The following ASH1L variants were observed in gnomAD, a reference collection of about 807,000 sequenced individuals.
ASH1L encodes the protein ASH1 like histone lysine methyltransferase, also known as histone-lysine N-methyltransferase ASH1L.
A neutral mutation model predicts 269.0 loss-of-function variants in ASH1L; 23 were observed. The ratio of observed to expected loss-of-function variants is 0.09; its 90% CI spans 0.06 to 0.12. The LOEUF (loss-of-function observed/expected upper bound fraction) is 0.12. Among genes scored for constraint, ASH1L ranks in the 10% least tolerant of loss-of-function variants. The pLI is 1.00. For synonymous variants in ASH1L, 1,187 were observed against 1,253.5 expected, an observed-to-expected ratio of 0.95 and a Z score of 1.12; for missense variants, 2,912 against 3,567.8, an observed-to-expected ratio of 0.82 and a Z score of 4.68.
At chr1:155,488,903 T>TA (rs1025145997) in intron 2 of ASH1L, among the ~76,000 whole-genome samples, 13 of 151,732 alleles carry the variant, frequency 8.6e-5, no homozygotes, top group Middle Eastern at 3.2e-3. Context: ...TACTCTCATT[T>TA]AAAAAAAAGA....
At chr1:155,450,940 G>C (rs1359716869) in intron 4 of ASH1L, among the ~76,000 whole-genome samples, 1 of 152,200 alleles carries the variant, frequency 6.6e-6, no homozygotes, top group Non-Finnish European at 1.5e-5. Flanking sequence ...GCTCACACCT[G>C]TAATCCCAGC....
rs1437087118 is a variant in ASH1L at position 155,438,560 on chromosome 1, T to C, written c.5595A>G (p.Gln1865=). The C allele has an allele frequency of 6.2e-7, 1 of 1,613,978 alleles. No homozygotes were observed. The change falls in exon 5 of 28, where the codon CAA becomes CAG. Residue 1865 remains glutamine (Q), a synonymous_variant. Coordinates refer to ENST00000392403, the MANE Select transcript of ASH1L (RefSeq NM_018489.3). ...KCPLQAVVSM[Q]AFQAAQFVNP... is the part of the protein sequence containing the mutation. ...TGACAAACTGAGCAGCCTGGAATGC[T>C]TGCATTGATACGACAGCCTGAAGGG... is the stretch of plus-strand genomic sequence containing the variant.
intron 2 of ASH1L, among the ~76,000 whole-genome samples, chr1:155,497,207 G>A (rs951355369): frequency 6.6e-6 from 1 of 152,110 alleles, no homozygotes; most frequent in African/African-American, 2.4e-5. Flanking sequence ...GCAGGAACTG[G>A]AACAGGTATT....
intron 2 of ASH1L, among the ~76,000 whole-genome samples, chr1:155,494,932 A>G (rs1366312647): frequency 1.3e-5 from 2 of 149,470 alleles, no homozygotes; most frequent in African/African-American, 2.4e-5. Flanking sequence ...AATAAGGAAA[A>G]AGAGAGAGAG....
chr1:155,475,146 CT>C (rs772513051), intron 3 of ASH1L, among the ~76,000 whole-genome samples: 1 of 151,198 alleles, frequency 6.6e-6, no homozygotes, highest in Non-Finnish European at 1.5e-5. Context: ...TTCACTGTGG[CT>C]TTTTTTTTAT....
intron 4 of ASH1L, among the ~76,000 whole-genome samples, chr1:155,447,581 T>C (rs1031755725): frequency 2.6e-5 from 4 of 152,204 alleles, no homozygotes; most frequent in African/African-American, 9.6e-5. Flanking sequence ...GGTGAGATGA[T>C]ATCTCATTGT....
At chr1:155,513,946 C>G (rs780293103) in intron 2 of ASH1L, among the ~76,000 whole-genome samples, 4 of 152,148 alleles carry the variant, frequency 2.6e-5, no homozygotes, top group African/African-American at 4.8e-5. Context: ...TATATACATA[C>G]ACTGGAATAT....
chr1:155,504,975 T>G (rs1224826153), intron 2 of ASH1L, among the ~76,000 whole-genome samples: 1 of 152,096 alleles, frequency 6.6e-6, no homozygotes, highest in Non-Finnish European at 1.5e-5. Context: ...ATCTTTTAAT[T>G]TTTCCTCTAA....
intron 1 of ASH1L, among the ~76,000 whole-genome samples, chr1:155,554,548 A>G (rs1456632572): frequency 6.6e-6 from 1 of 152,174 alleles, no homozygotes; most frequent in Non-Finnish European, 1.5e-5. Flanking sequence ...CTGGGATTAC[A>G]GGCGTGAGCC....
rs372583846 is a variant in ASH1L at position 155,547,153 on chromosome 1, A to G, written c.-100+15000T>C. Among the ~76,000 whole-genome samples, 192 of 151,326 alleles carry G rather than the reference A, an allele frequency of 1.3e-3. 1 individual carries two copies. The highest frequency in any genetic ancestry group is 4.4e-3 in the African/African-American group (180 of 41,262). On this transcript the variant is annotated intron_variant, in intron 1 of 27. Coordinates refer to ENST00000392403, the MANE Select transcript of ASH1L (RefSeq NM_018489.3). The stretch of plus-strand genomic sequence containing the variant: ...TTTTTAGTAGAGACAGGGTTTTACC[A>G]TGTTGGCCAGGATGGTTTAGATCTC...
intron 1 of ASH1L, among the ~76,000 whole-genome samples, chr1:155,523,142 C>T (rs1669002333): frequency 6.6e-6 from 1 of 152,074 alleles, no homozygotes; most frequent in South Asian, 2.1e-4. Flanking sequence ...TAGAAAGTTC[C>T]ATTTATGAAG....
Position 155,479,220 on chromosome 1 carries a change from A to C in ASH1L, c.3650T>G (p.Phe1217Cys). Residue 1217 changes from phenylalanine (F) to cysteine (C), a missense_variant, in exon 3 of 28, where the codon TTT becomes TGT. By Grantham distance (205) the Phe-to-Cys change is radical. This residue lies in a region of ASH1L where 789 missense variants were observed against 897.6 expected (regional missense o/e 0.88). Coordinates refer to ENST00000392403, the MANE Select transcript of ASH1L (RefSeq NM_018489.3). ...ATGCCTCCTCTTTTTTTGCCCACAA[A>C]ATTTCTCTGCCCTGTCTGATGTGCT... is the stretch of plus-strand genomic sequence containing the variant. ...NNSTSDRAEK[F>C]CGQKKRRHSF... The C allele has an allele frequency of 1.9e-6, 3 of 1,613,994 alleles. No homozygotes were observed. The highest frequency in any genetic ancestry group is 2.5e-6 in the Non-Finnish European group (3 of 1,179,964).
At chr1:155,454,560 G>A (rs978709211) in intron 4 of ASH1L, among the ~76,000 whole-genome samples, 7 of 152,148 alleles carry the variant, frequency 4.6e-5, no homozygotes, top group African/African-American at 1.7e-4. Flanking sequence ...TTGAGGTCAG[G>A]AGTTCGAGAC....
Position 155,562,705 on chromosome 1 carries a change from G to C in ASH1L, c.-652C>G. 6.7e-7 allele frequency: 1 copy of C among 1,482,336 alleles called. No homozygotes were observed. The highest frequency in any genetic ancestry group is 9.1e-7 in the Non-Finnish European group (1 of 1,102,504). The allele number at this position is 1,482,336 out of a possible 1,614,324, so 91.8% of individuals were successfully genotyped here. ...CCAGCCCGTACGCGCTCACCCACAG[G>C]AACCCCCTCGTCCAGTCCCTCACTA... On this transcript the variant is annotated 5_prime_UTR_variant, in exon 1 of 28. Transcript: ENST00000392403.
intron 1 of ASH1L, among the ~76,000 whole-genome samples, chr1:155,544,485 C>T (rs1037035601): frequency 2.0e-5 from 3 of 151,794 alleles, no homozygotes; most frequent in Non-Finnish European, 4.4e-5. Flanking sequence ...GATGGGGTTT[C>T]ACCGTGTTAG....
At chr1:155,489,189 A>G (rs1666569648) in intron 2 of ASH1L, among the ~76,000 whole-genome samples, 2 of 152,112 alleles carry the variant, frequency 1.3e-5, no homozygotes, top group African/African-American at 4.8e-5. Context: ...ACTATAAATA[A>G]TATGTGGGCG....
chr1:155,524,516 C>A (rs181788253), intron 1 of ASH1L, among the ~76,000 whole-genome samples: 1 of 139,294 alleles, frequency 7.2e-6, no homozygotes, highest in Non-Finnish European at 1.5e-5. Context: ...AGCAAGACTC[C>A]GTCTCAAAAA....
chr1:155,368,106 G>A (rs755516497), intron 12 of ASH1L, among the ~76,000 whole-genome samples: 20 of 152,030 alleles, frequency 1.3e-4, no homozygotes, highest in Non-Finnish European at 2.6e-4. Context: ...GGGCTCAGGC[G>A]ATCCTACCAC....
chr1:155,562,544 G>A lies in ASH1L; in HGVS notation c.-491C>T, dbSNP rs767764711. 1 of 1,527,286 alleles carries A rather than the reference G, an allele frequency of 6.5e-7. No homozygotes were observed. The highest frequency in any genetic ancestry group is 8.8e-7 in the Non-Finnish European group (1 of 1,137,808). The allele number at this position is 1,527,286 out of a possible 1,614,324, so 94.6% of individuals were successfully genotyped here. On this transcript the variant is annotated 5_prime_UTR_variant, in exon 1 of 28. In the 5' UTR this introduces an upstream ATG that the reference lacks. Coordinates refer to ENST00000392403, the MANE Select transcript of ASH1L (RefSeq NM_018489.3). ...CAACCTTCCACTCCTTCCTCCTTGC[G>A]TTCTTTCCCACCGTCCCCCGCTCCG... is the stretch of plus-strand genomic sequence containing the variant.
Sources: gnomAD v4.1 joint callset for allele counts (sites outside exome capture counted in the v4.1 genomes callset) on GRCh38, gnomAD v4.1.1 for gene constraint, gnomAD v4.1.1 regional missense constraint, MANE v1.5 for transcripts, NCBI Gene and HGNC (gene_info 2026-07-23, HGNC 2026-07-21) for gene names.